The following NOP9 variants were observed in gnomAD, a reference collection of about 807,000 sequenced individuals.
NOP9 encodes the protein nucleolar protein 9.
NOP9 carries 50 observed loss-of-function variants against 63.0 expected under a neutral mutation model. The ratio of observed to expected loss-of-function variants is 0.79; its 90% confidence interval spans 0.63 to 1.00. NOP9 has a LOEUF of 1.00. Ranked by LOEUF, NOP9 falls within the 50% of genes least tolerant of loss-of-function variation. The pLI is 0.00. For synonymous variants in NOP9, 343 were observed against 332.8 expected, an observed-to-expected ratio of 1.03 and a Z score of -0.33; for missense variants, 758 against 803.0, an observed-to-expected ratio of 0.94 and a Z score of 0.68.
the NOP9 span, among the ~76,000 whole-genome samples, chr14:24,277,969 G>A: frequency 1.8e-4 from 27 of 152,314 alleles, no homozygotes; most frequent in East Asian, 2.1e-3. Flanking sequence ...GAAGAGCAGC[G>A]CTGGGTGCCT....
At chr14:24,285,116 T>G in the NOP9 span, among the ~76,000 whole-genome samples, 2,555 of 152,284 alleles carry the variant, frequency 0.017, 78 homozygotes, top group African/African-American at 0.053. Context: ...GGATAGAGGC[T>G]CCAAAGCCTC....
At position 24,305,638 on chromosome 14, in the gene NOP9, A is replaced by G. The variant is rs1244365670; in HGVS notation, c.*543A>G. ...GGGCAGAAGCTCAGAGCCCCTTAGTAGGAATGGAGGCGGCCCTTCTGCTGC... is the reference window on the plus strand; with the variant it reads ...GGGCAGAAGCTCAGAGCCCCTTAGTGGGAATGGAGGCGGCCCTTCTGCTGC... On this transcript the variant is annotated 3_prime_UTR_variant, in exon 10 of 10. Coordinates refer to ENST00000267425, the MANE Select transcript of NOP9 (RefSeq NM_174913.3). 1.9e-6 allele frequency: 3 copies of G among 1,612,546 alleles called. No individual in the cohort carries two copies. The highest frequency in any genetic ancestry group is 1.1e-5 in the South Asian group (1 of 90,868).
chr14:24,306,678 G>C lies in NOP9; in HGVS notation c.*1583G>C, dbSNP rs1261668214. The C allele has an allele frequency of 5.7e-6, 5 of 874,144 alleles. No homozygotes were observed. The highest frequency in any genetic ancestry group is 8.7e-6 in the Non-Finnish European group (5 of 571,732). 54.1% of individuals were successfully genotyped at this position (874,144 alleles called of 1,614,324 possible). A position where few individuals can be genotyped will look rare whatever the true frequency, so the allele number is the denominator to read the frequency against. ...CCTCCTAAAGGTTGCAGCTCTCCGT[G>C]TTCTTCAGTTTTTGGGGGATCCTAG... is the stretch of plus-strand genomic sequence containing the variant. On this transcript the variant is annotated 3_prime_UTR_variant, in exon 10 of 10. Coordinates refer to ENST00000267425, the MANE Select transcript of NOP9 (RefSeq NM_174913.3).
Position 24,300,451 on chromosome 14 carries a change from C to A in NOP9, c.291C>A (p.Ala97=). 1.2e-6 allele frequency: 2 copies of A among 1,614,096 alleles called. No individual in the cohort carries two copies. The highest frequency in any genetic ancestry group is 1.7e-6 in the Non-Finnish European group (2 of 1,180,000). ...TAATGAAGGAAGTAGAGACTCAGGC[C>A]CTAGCTTTGTCCACGAACAGGACTG... ...HNIMKEVETQ[A]LALSTNRTGS... Residue 97 remains alanine, a synonymous_variant, in exon 2 of 10, where the codon GCC becomes GCA. Transcript: ENST00000267425.
chr14:24,284,722 AG>A, the NOP9 span, among the ~76,000 whole-genome samples: 1 of 152,126 alleles, frequency 6.6e-6, no homozygotes, highest in Non-Finnish European at 1.5e-5. Flanking sequence ...GGGTGGTAGG[AG>A]ACAGATGCCT....
the NOP9 span, among the ~76,000 whole-genome samples, chr14:24,287,858 G>A: frequency 6.6e-6 from 1 of 152,134 alleles, no homozygotes; most frequent in East Asian, 1.9e-4. Context: ...GTCTTCCCTG[G>A]TGTCTTGCAT....
chr14:24,297,708 C>T (rs950591091), upstream of NOP9, among the ~76,000 whole-genome samples: 32 of 152,236 alleles, frequency 2.1e-4, no homozygotes, highest in Non-Finnish European at 1.0e-4. Flanking sequence ...ACTCTTTCCT[C>T]TCCAGCCTCT....
At chr14:24,283,221 C>G in the NOP9 span, among the ~76,000 whole-genome samples, 1 of 152,216 alleles carries the variant, frequency 6.6e-6, no homozygotes, top group Non-Finnish European at 1.5e-5. Flanking sequence ...TTTCTTAGAA[C>G]ATTTGGCTCA....
chr14:24,297,724 A>C (rs1274922378), upstream of NOP9, among the ~76,000 whole-genome samples: 1 of 152,096 alleles, frequency 6.6e-6, no homozygotes, highest in African/African-American at 2.4e-5. Context: ...CCTCTCACTC[A>C]CTACTCTTCC....
At position 24,303,889 on chromosome 14, in the gene NOP9, A is replaced by C. The variant is rs2041424537; in HGVS notation, c.1410+32A>C. On this transcript the variant is annotated intron_variant, in intron 7 of 9. Coordinates refer to ENST00000267425, the MANE Select transcript of NOP9 (RefSeq NM_174913.3). ...TAGGGGAGAGGCCAAGCCAGTGACT[A>C]ATTGGGAGTCAGGCCTCCCAGGGTT... 1.9e-6 allele frequency: 3 copies of C among 1,610,022 alleles called. 1 individual carries two copies. In the Middle Eastern group the frequency reaches 5.0e-4, roughly 269 times the overall value.
At chr14:24,283,769 C>A in the NOP9 span, among the ~76,000 whole-genome samples, 1 of 152,268 alleles carries the variant, frequency 6.6e-6, no homozygotes, top group Admixed American at 6.5e-5. Context: ...GAGCTCAGCT[C>A]TTTCCCCTAC....
Position 24,307,171 on chromosome 14 carries a change from C to A in NOP9, c.*2076C>A. 1.9e-6 allele frequency: 1 copy of A among 535,288 alleles called. No individual in the cohort carries two copies. 33.2% of individuals were successfully genotyped at this position (535,288 alleles called of 1,614,324 possible). A position where few individuals can be genotyped will look rare whatever the true frequency, so the allele number is the denominator to read the frequency against. ...GAACTCTCCCTATCTCCTGCTAACC[C>A]CTGCTCCCATAGAAAAGCTCACTCG... On this transcript the variant is annotated 3_prime_UTR_variant, in exon 10 of 10. Transcript: ENST00000267425.
At chr14:24,280,390 A>G in the NOP9 span, among the ~76,000 whole-genome samples, 5 of 152,116 alleles carry the variant, frequency 3.3e-5, no homozygotes, top group South Asian at 1.0e-3. Flanking sequence ...GGGCTCGGTC[A>G]AGTGCCTCTT....
chr14:24,301,766 G>A, intron 3 of NOP9, 44 bp downstream of exon 3: 6 of 1,599,888 alleles, frequency 3.8e-6, no homozygotes, highest in Non-Finnish European at 5.1e-6. Flanking sequence ...TACTTGTCTG[G>A]AGGTCATCTT....
rs2041536600 is a variant in NOP9 at position 24,307,166 on chromosome 14, T to C, written c.*2071T>C. ...CCCTCGAACTCTCCCTATCTCCTGC[T>C]AACCCCTGCTCCCATAGAAAAGCTC... On this transcript the variant is annotated 3_prime_UTR_variant, in exon 10 of 10. Transcript: ENST00000267425. The C allele has an allele frequency of 4.1e-6, 2 of 488,962 alleles. No homozygotes were observed. 30.3% of individuals were successfully genotyped at this position (488,962 alleles called of 1,614,324 possible).
intron 5 of NOP9, among the ~76,000 whole-genome samples, 152 bp from the exon 6 acceptor site, chr14:24,302,921 TG>T (rs2041402388): frequency 6.6e-6 from 1 of 152,246 alleles, no homozygotes; most frequent in African/African-American, 2.4e-5. Context: ...CCCCTTATCC[TG>T]GGCCTTATCT....
Position 24,307,896 on chromosome 14 carries a change from T to G in NOP9, c.*2801T>G, listed in dbSNP as rs2041570281. Reference sequence around the variant, plus strand: ...AGTTCCTTCCCTGGAACTTCTGGGCTGGGTGGTTCTCTCCTGTGCTGGGGC... The same window carrying G: ...AGTTCCTTCCCTGGAACTTCTGGGCGGGGTGGTTCTCTCCTGTGCTGGGGC... On this transcript the variant is annotated 3_prime_UTR_variant, in exon 10 of 10. Transcript: ENST00000267425. 6.4e-7 allele frequency: 1 copy of G among 1,556,198 alleles called. No homozygotes were observed. The highest frequency in any genetic ancestry group is 8.7e-7 in the Non-Finnish European group (1 of 1,145,464).
In NOP9 at chr14:24,304,053, G is replaced by A. The variant is rs947746968; in HGVS notation, c.1423G>A (p.Ala475Thr). Residue 475 changes from alanine (A) to threonine (T), a missense_variant, in exon 8 of 10, where the codon GCA (alanine) becomes ACA (threonine). Ala to Thr is a moderately conservative substitution (Grantham distance 58, BLOSUM62 0). Transcript: ENST00000267425. ...TCTGCGCTGCCAGGTGGCAATGGCC[G>A]CAGCCAGAGCCTTGGGGGATGTGAC... ...VPAEHQVAMA[A>T]ARALGDVTVL... 40 of 1,613,872 alleles carry A rather than the reference G, an allele frequency of 2.5e-5. No homozygotes were observed. Among genetic ancestry groups the A allele is most frequent in the Non-Finnish European group, 3.1e-5 (36 of 1,179,870 alleles).
chr14:24,291,351 CT>C, the NOP9 span: 1 of 1,149,472 alleles, frequency 8.7e-7, no homozygotes, highest in Non-Finnish European at 1.3e-6. Flanking sequence ...TCTCTTGGGC[CT>C]TGGACTTTTT....
Sources: allele counts gnomAD v4.1 joint callset (sites outside exome capture counted in the v4.1 genomes callset), GRCh38; gene constraint gnomAD v4.1.1; transcripts MANE v1.5; gene names NCBI Gene and HGNC (gene_info 2026-07-23, HGNC 2026-07-21).